The following DMP1 variants were observed in gnomAD, a reference collection of about 807,000 sequenced individuals.
The protein encoded by DMP1 is dentin matrix protein 1.
DMP1 carries 20 observed loss-of-function variants against 14.6 expected under a neutral mutation model. That is an observed-to-expected ratio of 1.37 (90% CI 0.96 to 1.99). DMP1 has a LOEUF of 1.99. Among genes scored for constraint, DMP1 ranks in the 30% most tolerant of loss-of-function variants. The probability of loss-of-function intolerance (pLI) is 0.00; values close to 1 mark genes in which losing one functional copy is unlikely to be tolerated. For synonymous variants in DMP1, 197 were observed against 215.3 expected (o/e 0.91, Z 0.75); for missense variants, 567 against 620.5 (o/e 0.91, Z 0.92).
At chr4:87,651,614 A>C (rs1728531962) in intron 1 of DMP1, among the ~76,000 whole-genome samples, 1 of 152,114 alleles carries the variant, frequency 6.6e-6, no homozygotes, top group South Asian at 2.1e-4. Flanking sequence ...GTTTCCTGCT[A>C]ATGTACATTT....
In DMP1 at chr4:87,662,893, C is replaced by T. The variant is rs1264816308; in HGVS notation, c.1115C>T (p.Thr372Ile). 5 of 1,614,164 alleles carry T rather than the reference C, an allele frequency of 3.1e-6. No homozygotes were observed. Among genetic ancestry groups the T allele is most frequent in the Admixed American group, 3.3e-5 (2 of 60,014 alleles). The change falls in exon 6 of 6, where the codon ACT (threonine) becomes ATT (isoleucine). Residue 372 changes from threonine to isoleucine, a missense_variant. Transcript: ENST00000339673. The stretch of plus-strand genomic sequence containing the variant: ...AGGGGAGATAACCCCGACCCCACAA[C>T]TAGTTATGTAGAAGACCAGGAAGAC... ...ESRGDNPDPT[T>I]SYVEDQEDSD...
intron 1 of DMP1, among the ~76,000 whole-genome samples, chr4:87,654,756 T>C (rs1728637559): frequency 6.6e-6 from 1 of 152,254 alleles, no homozygotes; most frequent in African/African-American, 2.4e-5. Flanking sequence ...ATTTGTCTCA[T>C]GCTCAGTGAA....
intron 1 of DMP1, among the ~76,000 whole-genome samples, chr4:87,655,911 T>C (rs1728676883): frequency 6.6e-6 from 1 of 152,226 alleles, no homozygotes; most frequent in Non-Finnish European, 1.5e-5. Context: ...CATCTCCTCA[T>C]TGAAACATTT....
At chr4:87,657,569 T>C (rs1728735727) in intron 3 of DMP1, among the ~76,000 whole-genome samples, 2 of 152,226 alleles carry the variant, frequency 1.3e-5, no homozygotes, top group South Asian at 2.1e-4. Flanking sequence ...ATTAACTTTC[T>C]TAATTTTCAC....
At chr4:87,655,468 T>G (rs1728660179) in intron 1 of DMP1, among the ~76,000 whole-genome samples, 1 of 152,238 alleles carries the variant, frequency 6.6e-6, no homozygotes, top group African/African-American at 2.4e-5. Flanking sequence ...AATCCTTCAG[T>G]ACTGTGAATG....
rs1221418335 is a variant in DMP1, at chr4:87,663,631, T to C, written c.*311T>C. On this transcript the variant is annotated 3_prime_UTR_variant, in exon 6 of 6. Coordinates refer to ENST00000339673, the MANE Select transcript of DMP1 (RefSeq NM_004407.4). ...AAACAAAGCTATTGGGTGTCCATGA[T>C]ATACCAGGCACTATGCTAGGTGTTG... is the stretch of plus-strand genomic sequence containing the variant. 3 of 423,572 alleles carry C rather than the reference T, an allele frequency of 7.1e-6. No individual in the cohort carries two copies. The highest frequency in any genetic ancestry group is 1.3e-5 in the Non-Finnish European group (3 of 227,506). 26.2% of individuals were successfully genotyped at this position (423,572 alleles called of 1,614,324 possible).
rs1309422771 is a variant in DMP1, at chr4:87,664,295, C to G, written c.*975C>G. 6.6e-6 allele frequency: 1 copy of G among 152,468 alleles called. No individual in the cohort carries two copies. Among genetic ancestry groups the G allele is most frequent in the Non-Finnish European group, 1.5e-5 (1 of 67,988 alleles). 9.4% of individuals were successfully genotyped at this position (152,468 alleles called of 1,614,324 possible). A position where few individuals can be genotyped will look rare whatever the true frequency, so the allele number is the denominator to read the frequency against. ...AGATTCAATTGATTTTTGACAAATA[C>G]CATTTGAAATATTACCTCAACATAA... On this transcript the variant is annotated 3_prime_UTR_variant, in exon 6 of 6. Transcript: ENST00000339673.
At position 87,658,062 on chromosome 4, in the gene DMP1, C is replaced by T. The variant is rs150170353; in HGVS notation, c.102+983C>T. Among the ~76,000 whole-genome samples, 576 of 152,320 alleles carry T rather than the reference C, an allele frequency of 3.8e-3. 1 individual carries two copies. The highest frequency in any genetic ancestry group is 3.6e-3 in the Non-Finnish European group (245 of 68,036). Reference sequence around the variant, plus strand: ...CCTCTCTCTCATTTAACCAGAGACGCACAAACATGCCCTGTTCTCAAGTCT... The same window carrying T: ...CCTCTCTCTCATTTAACCAGAGACGTACAAACATGCCCTGTTCTCAAGTCT... On this transcript the variant is annotated intron_variant, in intron 3 of 5. Coordinates refer to ENST00000339673, the MANE Select transcript of DMP1 (RefSeq NM_004407.4).
chr4:87,651,355 A>G (rs6818250), intron 1 of DMP1, among the ~76,000 whole-genome samples: 6,531 of 152,174 alleles, frequency 0.043, 307 homozygotes, highest in African/African-American at 0.12. Flanking sequence ...TATTCCTGTG[A>G]TTAAAAGCAT....
At position 87,662,524 on chromosome 4, in the gene DMP1, C is replaced by G; in HGVS notation, c.746C>G (p.Ala249Gly). The change falls in exon 6 of 6, where the codon GCA (alanine) becomes GGA (glycine). Residue 249 changes from alanine (A) to glycine (G), a missense_variant. By Grantham distance (60) the Ala-to-Gly change is moderately conservative (BLOSUM62 0). Coordinates refer to ENST00000339673, the MANE Select transcript of DMP1 (RefSeq NM_004407.4). ...SKESGENSEQ[A>G]NTQDSGGSQL... ...GAATCTGGAGAAAACAGTGAGCAAG[C>G]AAACACTCAAGATTCAGGTGGCAGC... is the stretch of plus-strand genomic sequence containing the variant. 1 of 1,614,098 alleles carries G rather than the reference C, an allele frequency of 6.2e-7. No individual in the cohort carries two copies. Among genetic ancestry groups the G allele is most frequent in the Middle Eastern group, 1.6e-4 (1 of 6,062 alleles).
chr4:87,654,816 A>C (rs1190942036), intron 1 of DMP1, among the ~76,000 whole-genome samples: 2 of 152,226 alleles, frequency 1.3e-5, no homozygotes, highest in African/African-American at 4.8e-5. Context: ...GGAAGCTGTC[A>C]GACATGCATC....
Position 87,663,127 on chromosome 4 carries a change from A to T in DMP1, c.1349A>T (p.Glu450Val). The change falls in exon 6 of 6, where the codon GAG becomes GTG. Residue 450 changes from glutamate to valine, a missense_variant. Coordinates refer to ENST00000339673, the MANE Select transcript of DMP1 (RefSeq NM_004407.4). The stretch of plus-strand genomic sequence containing the variant: ...AGTCAGAGCGAGGAAAGCCATTCTG[A>T]GGAAGACGACAGTGACTCTCAAGAC... ...AESQSEESHS[E>V]EDDSDSQDSS... 6.2e-7 allele frequency: 1 copy of T among 1,614,200 alleles called. No individual in the cohort carries two copies. The highest frequency in any genetic ancestry group is 8.5e-7 in the Non-Finnish European group (1 of 1,180,040).
intron 1 of DMP1, 27 bp from the exon 2 acceptor site, chr4:87,656,445 G>C: frequency 7.7e-7 from 1 of 1,305,216 alleles, no homozygotes; most frequent in Non-Finnish European, 1.1e-6. Context: ...TTAACATGGA[G>C]AGAAACATCT....
Position 87,663,186 on chromosome 4 carries a change from G to A in DMP1, c.1408G>A (p.Glu470Lys), listed in dbSNP as rs369921592. 77 of 1,614,058 alleles carry A rather than the reference G, an allele frequency of 4.8e-5. No individual in the cohort carries two copies. Among genetic ancestry groups the A allele is most frequent in the Non-Finnish European group, 6.4e-5 (75 of 1,180,046 alleles). ...SRSKEDSNST[E>K]SKSSSEEDGQ... ...ATCCAAAGAAGATAGCAACTCCACG[G>A]AGAGCAAATCAAGCAGTGAGGAAGA... The change falls in exon 6 of 6, where the codon GAG (glutamate) becomes AAG (lysine). Residue 470 changes from glutamate to lysine, a missense_variant. Physicochemically the swap from Glu to Lys is moderately conservative, Grantham distance 56 (BLOSUM62 1). Coordinates refer to ENST00000339673, the MANE Select transcript of DMP1 (RefSeq NM_004407.4).
At chr4:87,656,880 T>C (rs1728713686) in intron 2 of DMP1, 152 bp from the exon 3 acceptor site, 1 of 657,298 alleles carries the variant, frequency 1.5e-6, no homozygotes, top group Non-Finnish European at 2.8e-6. Flanking sequence ...TCTTTAGGGA[T>C]AGGAAACAGA....
Position 87,664,064 on chromosome 4 carries a change from CA to C in DMP1, c.*745del, listed in dbSNP as rs1729016312. ...TCTCCCAATTAATTTACCAATTCAT[CA>C]TTTTTTTTTTTTTGTAGAACTCCCA... is the stretch of plus-strand genomic sequence containing the variant. On this transcript the variant is annotated 3_prime_UTR_variant, in exon 6 of 6. Transcript: ENST00000339673. 1 of 63,878 alleles carries C rather than the reference CA, an allele frequency of 1.6e-5. No individual in the cohort carries two copies. Among genetic ancestry groups the C allele is most frequent in the Non-Finnish European group, 2.8e-5 (1 of 35,864 alleles). 4.0% of individuals were successfully genotyped at this position (63,878 alleles called of 1,614,324 possible). A position where few individuals can be genotyped will look rare whatever the true frequency, so the allele number is the denominator to read the frequency against.
At chr4:87,651,383 G>A (rs1008484094) in intron 1 of DMP1, among the ~76,000 whole-genome samples, 2 of 152,014 alleles carry the variant, frequency 1.3e-5, no homozygotes, top group Admixed American at 6.6e-5. Flanking sequence ...TGGATTCATC[G>A]TAATTGACCT....
Position 87,662,536 on chromosome 4 carries a change from AT to A in DMP1, c.760del (p.Ser254GlnfsTer80). 3 of 1,614,164 alleles carry A rather than the reference AT, an allele frequency of 1.9e-6. No individual in the cohort carries two copies. On this transcript the variant is annotated frameshift_variant, in exon 6 of 6. Coordinates refer to ENST00000339673, the MANE Select transcript of DMP1 (RefSeq NM_004407.4). LOFTEE classifies it low-confidence loss of function (END_TRUNC). ...AACAGTGAGCAAGCAAACACTCAAG[AT>A]TCAGGTGGCAGCCAATTGCTGGAGC... ...GENSEQANTQDSGGSQLLEHP... is the reference protein window; with the variant it reads ...GENSEQANTQXSGGSQLLEHP...
chr4:87,661,533 G>A (rs1181436322), intron 5 of DMP1, among the ~76,000 whole-genome samples: 4 of 150,932 alleles, frequency 2.7e-5, no homozygotes, highest in African/African-American at 7.3e-5. Context: ...GCTAATTTTT[G>A]TATTTTTAGT....
Sources: allele counts gnomAD v4.1 joint callset (sites outside exome capture counted in the v4.1 genomes callset), GRCh38; gene constraint gnomAD v4.1.1; transcripts MANE v1.5; gene names NCBI Gene and HGNC (gene_info 2026-07-23, HGNC 2026-07-21).